NAA60: variants seen among roughly 807,000 people sequenced by gnomAD.
The protein encoded by NAA60 is N-alpha-acetyltransferase 60, NatF catalytic subunit.
Under a neutral mutation model 26.1 loss-of-function variants are expected in NAA60, and 8 were observed. The ratio of observed to expected loss-of-function variants is 0.31; its 90% CI spans 0.18 to 0.55. The LOEUF (loss-of-function observed/expected upper bound fraction) is 0.55, where lower values mean the gene tolerates loss of function less well. Ranked by LOEUF, NAA60 falls within the 20% of genes least tolerant of loss-of-function variation. The probability of loss-of-function intolerance (pLI) is 0.93; values close to 1 mark genes in which losing one functional copy is unlikely to be tolerated. For missense variants in NAA60, 290 were observed against 311.3 expected (o/e 0.93, Z 0.51); for synonymous variants, 131 against 122.5 (o/e 1.07, Z -0.46).
Position 3,476,356 on chromosome 16 carries a change from A to T in NAA60, c.110+19A>T. 1 of 1,594,438 alleles carries T rather than the reference A, an allele frequency of 6.3e-7. No homozygotes were observed. On this transcript the variant is annotated intron_variant, in intron 3 of 7. Coordinates refer to ENST00000407558, the MANE Select transcript of NAA60 (RefSeq NM_001083601.3). The stretch of plus-strand genomic sequence containing the variant: ...CCATCGAGTAAGTGGAGCGGATTGC[A>T]GGGTTGGGGAGAGCCCGTGAGCCTC...
intron 2 of NAA60, among the ~76,000 whole-genome samples, chr16:3,453,955 G>T (rs539968610): frequency 6.6e-6 from 1 of 152,322 alleles, no homozygotes; most frequent in East Asian, 1.9e-4. Flanking sequence ...GCATGGGTTT[G>T]TGGGAGGTGG....
Position 3,484,738 on chromosome 16 carries a change from G to A in NAA60, c.612G>A (p.Leu204=). 6.3e-7 allele frequency: 1 copy of A among 1,596,250 alleles called. No individual in the cohort carries two copies. The highest frequency in any genetic ancestry group is 8.5e-7 in the Non-Finnish European group (1 of 1,172,300). ...IQHLGSALAS[L]SPCSIPHRVY... ...ACCTGGGCTCTGCACTAGCCAGCCT[G>A]AGCCCCTGCTCCATTCCGCACAGAG... Residue 204 remains leucine (L), a synonymous_variant, in exon 7 of 8, where the codon CTG becomes CTA. Coordinates refer to ENST00000407558, the MANE Select transcript of NAA60 (RefSeq NM_001083601.3).
At chr16:3,469,281 C>T (rs557514647) in intron 2 of NAA60, among the ~76,000 whole-genome samples, 42 of 135,388 alleles carry the variant, frequency 3.1e-4, no homozygotes, top group African/African-American at 1.1e-3. Flanking sequence ...GAGCAGAGAG[C>T]ACCTGCCTGG....
intron 2 of NAA60, among the ~76,000 whole-genome samples, chr16:3,457,698 G>T (rs1254090387): frequency 1.3e-5 from 2 of 152,230 alleles, no homozygotes; most frequent in African/African-American, 2.4e-5. Flanking sequence ...GGATGCGCCT[G>T]CCAGGGCCTG....
At chr16:3,473,005 T>C (rs1263876512) in intron 2 of NAA60, among the ~76,000 whole-genome samples, 2 of 133,370 alleles carry the variant, frequency 1.5e-5, no homozygotes, top group Admixed American at 7.7e-5. Context: ...GTGTGTTCTT[T>C]GTCATCTGTT....
intron 6 of NAA60, 146 bp downstream of exon 6, chr16:3,483,743 T>A (rs2036993661): frequency 3.0e-6 from 2 of 666,360 alleles, no homozygotes; most frequent in African/African-American, 3.7e-5. Context: ...CTGATCGTGT[T>A]GTGGGTAAAC....
At chr16:3,468,427 A>T (rs1326615791) in intron 2 of NAA60, among the ~76,000 whole-genome samples, 2 of 152,148 alleles carry the variant, frequency 1.3e-5, no homozygotes, top group Non-Finnish European at 2.9e-5. Flanking sequence ...CCTCACAGTG[A>T]TGTTGATCAG....
chr16:3,482,111 A>G (rs2036873882), intron 4 of NAA60, among the ~76,000 whole-genome samples: 1 of 152,080 alleles, frequency 6.6e-6, no homozygotes, highest in Non-Finnish European at 1.5e-5. Context: ...GCATTTGTCC[A>G]CTGTCCTGCA....
At chr16:3,449,224 A>G (rs1190531048) in intron 2 of NAA60, among the ~76,000 whole-genome samples, 1 of 151,944 alleles carries the variant, frequency 6.6e-6, no homozygotes, top group Non-Finnish European at 1.5e-5. Context: ...AAATACAAAA[A>G]TGTAGCCGGG....
intron 2 of NAA60, among the ~76,000 whole-genome samples, chr16:3,449,285 A>G (rs1479378424): frequency 2.6e-5 from 4 of 151,962 alleles, no homozygotes; most frequent in African/African-American, 4.8e-5. Flanking sequence ...TTGGGAGGCC[A>G]AGGCAGGTGG....
At chr16:3,472,354 G>GA (rs1321350853) in intron 2 of NAA60, 1 of 152,192 alleles carries the variant, frequency 6.6e-6, no homozygotes, top group African/African-American at 2.4e-5. Context: ...CATCCACATT[G>GA]GAAACCCAGT....
intron 2 of NAA60, among the ~76,000 whole-genome samples, chr16:3,462,319 T>C (rs1330094226): frequency 6.6e-6 from 1 of 152,162 alleles, no homozygotes; most frequent in African/African-American, 2.4e-5. Context: ...CAAAAAGGGC[T>C]CTTTTCTGGA....
chr16:3,453,632 T>C (rs945613432), intron 2 of NAA60, among the ~76,000 whole-genome samples: 5 of 152,038 alleles, frequency 3.3e-5, no homozygotes, highest in African/African-American at 4.8e-5. Context: ...GGTCTCGAAC[T>C]CCCAACCTCA....
intron 2 of NAA60, among the ~76,000 whole-genome samples, chr16:3,474,835 T>C (rs1460584953): frequency 6.6e-6 from 1 of 152,260 alleles, no homozygotes; most frequent in Non-Finnish European, 1.5e-5. Flanking sequence ...TCTACTTTTA[T>C]TAGCTGGCAT....
intron 2 of NAA60, among the ~76,000 whole-genome samples, chr16:3,454,633 A>G (rs1227801420): frequency 1.3e-5 from 2 of 152,198 alleles, no homozygotes; most frequent in African/African-American, 2.4e-5. Flanking sequence ...ACAGCAAAAA[A>G]AGAGAGAGAG....
chr16:3,465,247 A>T (rs2035669550), intron 2 of NAA60, among the ~76,000 whole-genome samples: 1 of 149,714 alleles, frequency 6.7e-6, no homozygotes, highest in Non-Finnish European at 1.5e-5. Context: ...AGCCTGGGCG[A>T]CAGAGCGAGA....
At chr16:3,470,597 C>T (rs965762238) in intron 2 of NAA60, among the ~76,000 whole-genome samples, 2 of 150,794 alleles carry the variant, frequency 1.3e-5, no homozygotes, top group African/African-American at 2.5e-5. Flanking sequence ...ACTGCAGGCA[C>T]GGATACACTG....
chr16:3,482,748 T>G (rs1025123591), intron 5 of NAA60, 150 bp downstream of exon 5: 25 of 659,188 alleles, frequency 3.8e-5, no homozygotes, highest in South Asian at 3.4e-4. Flanking sequence ...CGTTCCCGTC[T>G]TGGGCCAGAC....
intron 2 of NAA60, among the ~76,000 whole-genome samples, chr16:3,466,431 C>T (rs1403467966): frequency 6.6e-6 from 1 of 152,198 alleles, no homozygotes; most frequent in Non-Finnish European, 1.5e-5. Context: ...GGCAGCTGCT[C>T]CTTTGAGAAA....
Sources: gnomAD v4.1 joint callset for allele counts (sites outside exome capture counted in the v4.1 genomes callset) on GRCh38, gnomAD v4.1.1 for gene constraint, MANE v1.5 for transcripts, NCBI Gene and HGNC (gene_info 2026-07-23, HGNC 2026-07-21) for gene names.